The following AGBL4 variants were observed in gnomAD, a reference collection of about 807,000 sequenced individuals.
The protein encoded by AGBL4 is AGBL carboxypeptidase 4.
In AGBL4, 58 loss-of-function variants were observed where a neutral mutation model predicts 66.4. The ratio of observed to expected loss-of-function variants is 0.87; its 90% CI spans 0.71 to 1.09. The LOEUF (loss-of-function observed/expected upper bound fraction) is 1.09. AGBL4 is among the 50% of genes least tolerant of loss of function. AGBL4 has a pLI of 0.00. For missense variants in AGBL4, 579 were observed against 631.0 expected (o/e 0.92, Z 0.88); for synonymous variants, 234 against 222.9 (o/e 1.05, Z -0.44).
Position 49,858,204 on chromosome 1 carries a change from G to C in AGBL4, c.35-6686C>G, listed in dbSNP as rs376611593. Among the ~76,000 whole-genome samples, 52 of 152,044 alleles carry C rather than the reference G, an allele frequency of 3.4e-4. 1 individual carries two copies. In the South Asian group the frequency reaches 9.6e-3, roughly 28 times the overall value. ...CCAGCAGAATGACTACTATGAAAAG[G>C]ATAAAAAATAGCAAATGCAGGCGAG... On this transcript the variant is annotated intron_variant, in intron 1 of 13. Coordinates refer to ENST00000371839, the MANE Select transcript of AGBL4 (RefSeq NM_032785.4).
At chr1:49,240,559 T>C (rs1174797902) in intron 4 of AGBL4, among the ~76,000 whole-genome samples, 1 of 151,312 alleles carries the variant, frequency 6.6e-6, no homozygotes, top group African/African-American at 2.4e-5. Flanking sequence ...TTCTTTTTTT[T>C]TTTTTTTTTT....
chr1:49,776,524 C>T (rs941182520), intron 2 of AGBL4, among the ~76,000 whole-genome samples: 2 of 152,086 alleles, frequency 1.3e-5, no homozygotes, highest in African/African-American at 2.4e-5. Context: ...GTCTACTGTT[C>T]CCTTAGGGTA....
At chr1:49,116,578 G>T (rs1645527880) in intron 4 of AGBL4, among the ~76,000 whole-genome samples, 1 of 152,114 alleles carries the variant, frequency 6.6e-6, no homozygotes, top group African/African-American at 2.4e-5. Flanking sequence ...GCATAGTATT[G>T]CATGGTGTGT....
At chr1:48,672,677 G>A (rs1477622284) in intron 6 of AGBL4, among the ~76,000 whole-genome samples, 1 of 152,150 alleles carries the variant, frequency 6.6e-6, no homozygotes, top group Non-Finnish European at 1.5e-5. Flanking sequence ...TCCTTAAAAC[G>A]AGCTGTTGGA....
rs552519923 is a variant in AGBL4 at position 48,638,560 on chromosome 1, A to T, written c.840-3956T>A. Among the ~76,000 whole-genome samples the T allele has an allele frequency of 5.6e-4, 86 of 152,344 alleles. 1 individual carries two copies. Among genetic ancestry groups the T allele is most frequent in the African/African-American group, 2.0e-3 (84 of 41,574 alleles). On this transcript the variant is annotated intron_variant, in intron 8 of 13. Coordinates refer to ENST00000371839, the MANE Select transcript of AGBL4 (RefSeq NM_032785.4). ...TTGTGGCACTGTTGAAATTGTCTAA[A>T]CTTAAATATCAGCTCCTCCAGGAAG...
intron 11 of AGBL4, among the ~76,000 whole-genome samples, chr1:48,572,561 GGAGA>G (rs960092865): frequency 4.0e-5 from 6 of 151,120 alleles, no homozygotes; most frequent in African/African-American, 4.9e-5. Flanking sequence ...TGTGTGTGTG[GGAGA>G]GAGAGAGTCA....
At chr1:48,658,962 C>G (rs1348259648) in intron 7 of AGBL4, among the ~76,000 whole-genome samples, 1 of 152,104 alleles carries the variant, frequency 6.6e-6, no homozygotes, top group Non-Finnish European at 1.5e-5. Context: ...TCTCCATAGT[C>G]TAGGCCCTGA....
chr1:49,812,450 A>G (rs1181208545), intron 2 of AGBL4, among the ~76,000 whole-genome samples: 1 of 152,190 alleles, frequency 6.6e-6, no homozygotes, highest in Non-Finnish European at 1.5e-5. Flanking sequence ...CTTTGATGAC[A>G]TACTCACATT....
chr1:49,106,116 C>T (rs1645287479), intron 4 of AGBL4, among the ~76,000 whole-genome samples: 1 of 152,134 alleles, frequency 6.6e-6, no homozygotes, highest in South Asian at 2.1e-4. Context: ...TGGTGACGGA[C>T]CCCAGTGCTG....
chr1:49,823,777 A>AGTGTGTGTGTGT (rs1271305647), intron 2 of AGBL4, among the ~76,000 whole-genome samples: 3 of 21,308 alleles, frequency 1.4e-4, no homozygotes, highest in African/African-American at 5.4e-4. Context: ...AAGGCTGCAT[A>AGTGTGTGTGTGT]ATGTGTGTGT....
intron 11 of AGBL4, among the ~76,000 whole-genome samples, chr1:48,543,138 T>C (rs949788883): frequency 2.6e-5 from 4 of 152,188 alleles, no homozygotes; most frequent in Admixed American, 2.6e-4. Context: ...TATTCACTTC[T>C]GTGTCTCTCT....
intron 6 of AGBL4, among the ~76,000 whole-genome samples, chr1:48,787,585 A>G (rs1177156534): frequency 6.6e-6 from 1 of 152,226 alleles, no homozygotes; most frequent in Non-Finnish European, 1.5e-5. Flanking sequence ...TATATACAAC[A>G]TACAATACAT....
intron 2 of AGBL4, among the ~76,000 whole-genome samples, chr1:49,849,584 G>A (rs1429527735): frequency 6.6e-6 from 1 of 151,704 alleles, no homozygotes; most frequent in East Asian, 1.9e-4. Context: ...GTCAAGCCAA[G>A]ATTTGAACCA....
chr1:48,865,352 G>A (rs1647940868), intron 6 of AGBL4, among the ~76,000 whole-genome samples: 1 of 152,254 alleles, frequency 6.6e-6, no homozygotes, highest in African/African-American at 2.4e-5. Context: ...CTACCACCTA[G>A]GGGGCTTCAG....
At chr1:48,983,682 G>A (rs78716741) in intron 5 of AGBL4, among the ~76,000 whole-genome samples, 2,054 of 152,228 alleles carry the variant, frequency 0.013, 57 homozygotes, top group African/African-American at 0.047. Context: ...TAGAATTTGG[G>A]TTCTGGTCAT....
intron 1 of AGBL4, among the ~76,000 whole-genome samples, chr1:49,968,763 G>C (rs1657791446): frequency 6.6e-6 from 1 of 152,202 alleles, no homozygotes; most frequent in African/African-American, 2.4e-5. Context: ...TTTGGAACAT[G>C]AAAGGGATGG....
At chr1:48,670,404 G>A (rs1283306258) in intron 6 of AGBL4, among the ~76,000 whole-genome samples, 1 of 152,232 alleles carries the variant, frequency 6.6e-6, no homozygotes, top group African/African-American at 2.4e-5. Flanking sequence ...ACTACACTGG[G>A]CTGCCTGGGG....
intron 3 of AGBL4, among the ~76,000 whole-genome samples, chr1:49,388,710 G>A (rs564147855): frequency 2.6e-5 from 4 of 152,182 alleles, no homozygotes; most frequent in South Asian, 2.1e-4. Context: ...CGTAATATCC[G>A]GAAGAGTAAT....
In AGBL4 at chr1:49,774,194, G is replaced by A. The variant is rs926669357; in HGVS notation, c.158-76757C>T. On this transcript the variant is annotated intron_variant, in intron 2 of 13. Transcript: ENST00000371839. ...ATTGGACTCAAGGTCTGTGAGGATT[G>A]GAGGACCACCCTGTAGCAATAACTG... Among the ~76,000 whole-genome samples the A allele has an allele frequency of 3.3e-5, 5 of 152,312 alleles. No individual in the cohort carries two copies. The South Asian group carries it at 6.2e-4, about 19-fold the overall frequency.
Sources: allele counts gnomAD v4.1 joint callset (sites outside exome capture counted in the v4.1 genomes callset), GRCh38; gene constraint gnomAD v4.1.1; transcripts MANE v1.5; gene names NCBI Gene and HGNC (gene_info 2026-07-23, HGNC 2026-07-21).